The following XKR6 variants were observed in gnomAD, a reference collection of about 807,000 sequenced individuals.
XKR6 encodes XK-related protein 6.
XKR6 carries 22 observed loss-of-function variants against 56.7 expected under a neutral mutation model. That is an observed-to-expected ratio of 0.39 (90% CI 0.28 to 0.55). The LOEUF (loss-of-function observed/expected upper bound fraction) is 0.55, where lower values mean the gene tolerates loss of function less well. XKR6 is among the 20% of genes least tolerant of loss of function. The pLI is 0.66. For synonymous variants in XKR6, 524 were observed against 387.8 expected, an observed-to-expected ratio of 1.35 and a Z score of -4.13; for missense variants, 852 against 889.0, an observed-to-expected ratio of 0.96 and a Z score of 0.53.
chr8:11,113,313 T>G (rs28712616), intron 1 of XKR6, among the ~76,000 whole-genome samples: 23,574 of 152,140 alleles, frequency 0.15, 5,862 homozygotes, highest in African/African-American at 0.53. Context: ...CCTTATAAGC[T>G]CCACTACCTC....
intron 1 of XKR6, among the ~76,000 whole-genome samples, chr8:11,172,127 T>C (rs1171024326): frequency 2.0e-5 from 3 of 151,390 alleles, no homozygotes; most frequent in East Asian, 3.9e-4. Flanking sequence ...TCCCAGCACG[T>C]TGGGAGCCTG....
chr8:11,188,340 C>G (rs1354111125), intron 1 of XKR6, among the ~76,000 whole-genome samples: 1 of 152,170 alleles, frequency 6.6e-6, no homozygotes, highest in East Asian at 1.9e-4. Flanking sequence ...GTGGACGCCC[C>G]AAACACAGTC....
At chr8:11,173,323 AAC>A (rs1207815983) in intron 1 of XKR6, among the ~76,000 whole-genome samples, 1 of 151,136 alleles carries the variant, frequency 6.6e-6, no homozygotes, top group African/African-American at 2.4e-5. Context: ...CAGCCTGGGC[AAC>A]AAAGCGAGAC....
chr8:11,025,464 C>T (rs945517122), intron 1 of XKR6, among the ~76,000 whole-genome samples: 8 of 152,092 alleles, frequency 5.3e-5, no homozygotes, highest in African/African-American at 1.9e-4. Flanking sequence ...GGAGGGGTTG[C>T]CAATGGGATA....
chr8:11,059,342 C>T (rs1018702110), intron 1 of XKR6, among the ~76,000 whole-genome samples: 2 of 152,232 alleles, frequency 1.3e-5, no homozygotes, highest in East Asian at 1.9e-4. Flanking sequence ...ATGAGCGCCC[C>T]GGAGACTCTG....
At chr8:11,000,716 T>G (rs1456152921) in intron 1 of XKR6, among the ~76,000 whole-genome samples, 6 of 152,108 alleles carry the variant, frequency 3.9e-5, no homozygotes, top group African/African-American at 1.4e-4. Context: ...AAGGCACATA[T>G]TACATGTTTT....
intron 1 of XKR6, among the ~76,000 whole-genome samples, chr8:11,102,609 C>G (rs1370218588): frequency 1.3e-5 from 2 of 151,806 alleles, no homozygotes; most frequent in Admixed American, 1.3e-4. Context: ...AAAATTCTGC[C>G]CACTCACAAC....
chr8:11,146,895 C>G (rs961177538), intron 1 of XKR6, among the ~76,000 whole-genome samples: 1 of 151,960 alleles, frequency 6.6e-6, no homozygotes, highest in African/African-American at 2.4e-5. Context: ...ACCACATAAT[C>G]TCACTTATAT....
At chr8:10,999,207 A>G (rs897541607) in intron 1 of XKR6, among the ~76,000 whole-genome samples, 5 of 152,240 alleles carry the variant, frequency 3.3e-5, no homozygotes, top group African/African-American at 9.6e-5. Context: ...TCGTGGGATT[A>G]TTTATGCCCA....
intron 1 of XKR6, among the ~76,000 whole-genome samples, chr8:11,069,190 T>C (rs1035568469): frequency 5.9e-5 from 9 of 151,508 alleles, no homozygotes; most frequent in Non-Finnish European, 1.3e-4. Flanking sequence ...GAGGCCCCAC[T>C]GTCTTTGATA....
chr8:10,961,251 C>T (rs564556511), intron 1 of XKR6, among the ~76,000 whole-genome samples: 6 of 152,310 alleles, frequency 3.9e-5, no homozygotes, highest in African/African-American at 1.4e-4. Flanking sequence ...AAGAAGATCC[C>T]TCCGGCTCTA....
intron 1 of XKR6, among the ~76,000 whole-genome samples, chr8:11,017,542 C>T (rs1011639049): frequency 6.6e-6 from 1 of 152,252 alleles, no homozygotes; most frequent in African/African-American, 2.4e-5. Flanking sequence ...TCTGCTGAGC[C>T]TGTTGCAGCT....
At chr8:11,003,822 G>C (rs1798301073) in intron 1 of XKR6, among the ~76,000 whole-genome samples, 1 of 152,232 alleles carries the variant, frequency 6.6e-6, no homozygotes, top group East Asian at 1.9e-4. Flanking sequence ...GGACAGAGAA[G>C]GGTGTGGTTA....
At chr8:10,940,484 C>G (rs555701274) in intron 1 of XKR6, among the ~76,000 whole-genome samples, 6 of 152,290 alleles carry the variant, frequency 3.9e-5, no homozygotes, top group African/African-American at 7.2e-5. Flanking sequence ...ATAGTAGGCC[C>G]CGATTTTCAC....
intron 1 of XKR6, chr8:11,194,451 GTT>G (rs1238735283): frequency 6.6e-6 from 1 of 152,178 alleles, no homozygotes; most frequent in African/African-American, 2.4e-5. Flanking sequence ...GTTAAATGAG[GTT>G]ATATTTTCAT....
At chr8:11,172,403 T>C (rs1316474554) in intron 1 of XKR6, among the ~76,000 whole-genome samples, 1 of 152,132 alleles carries the variant, frequency 6.6e-6, no homozygotes, top group African/African-American at 2.4e-5. Flanking sequence ...GTCTCTAGTA[T>C]TCCTTTAAAG....
chr8:11,085,296 T>C (rs1340637357), intron 1 of XKR6, among the ~76,000 whole-genome samples: 2 of 152,190 alleles, frequency 1.3e-5, no homozygotes, highest in African/African-American at 4.8e-5. Flanking sequence ...AAGCACGTGC[T>C]CTCACTCACA....
At chr8:11,120,026 G>T (rs1224521941) in intron 1 of XKR6, among the ~76,000 whole-genome samples, 1 of 152,084 alleles carries the variant, frequency 6.6e-6, no homozygotes. Flanking sequence ...GGTATTGATG[G>T]GACATATCTC....
intron 1 of XKR6, among the ~76,000 whole-genome samples, chr8:11,075,030 G>T (rs1800235022): frequency 1.3e-5 from 2 of 152,184 alleles, no homozygotes; most frequent in Admixed American, 6.5e-5. Flanking sequence ...TGGCCCACAG[G>T]ACTTGGCTGG....
Sources: allele counts gnomAD v4.1 joint callset (sites outside exome capture counted in the v4.1 genomes callset), GRCh38; gene constraint gnomAD v4.1.1; transcripts MANE v1.5; gene names NCBI Gene and HGNC (gene_info 2026-07-23, HGNC 2026-07-21).